TBXAS1: variants seen among roughly 807,000 people sequenced by gnomAD.
TBXAS1 encodes the protein thromboxane-A synthase.
Under a neutral mutation model 60.7 loss-of-function variants are expected in TBXAS1, and 48 were observed. The observed-to-expected ratio is 0.79, with a 90% CI of 0.63 to 1.01. The LOEUF (loss-of-function observed/expected upper bound fraction) is 1.01. Among genes scored for constraint, TBXAS1 ranks in the 50% least tolerant of loss-of-function variants. The pLI is 0.00. For synonymous variants in TBXAS1, 287 were observed against 269.7 expected (o/e 1.06, Z -0.63); for missense variants, 685 against 686.3 (o/e 1.00, Z 0.02).
At chr7:139,860,971 C>G (rs541031701) in intron 1 of TBXAS1, among the ~76,000 whole-genome samples, 6 of 152,156 alleles carry the variant, frequency 3.9e-5, no homozygotes, top group Non-Finnish European at 8.8e-5. Context: ...GTCAGGAGTT[C>G]GAGACCAGCC....
At position 139,896,200 on chromosome 7, in the gene TBXAS1, G is replaced by A. The variant is rs1447552995; in HGVS notation, c.237-15025G>A. Among the ~76,000 whole-genome samples, 1 of 152,106 alleles carries A rather than the reference G, an allele frequency of 6.6e-6. No homozygotes were observed. The highest frequency in any genetic ancestry group is 1.5e-5 in the Non-Finnish European group (1 of 68,020). ...TTTGTCTTGAGAGAACTTGCAGAGC[G>A]ATCAGGAGCTTATCAATAAACAGAG... is the stretch of plus-strand genomic sequence containing the variant. On this transcript the variant is annotated intron_variant, in intron 3 of 12. Coordinates refer to ENST00000448866, the MANE Select transcript of TBXAS1 (RefSeq NM_001061.7). This position sits in a 1 kb window ranked among gnomAD's most constrained non-coding sequence, Gnocchi z 4.0.
At chr7:139,851,963 A>C (rs1053732573) in intron 1 of TBXAS1, among the ~76,000 whole-genome samples, 2 of 152,178 alleles carry the variant, frequency 1.3e-5, no homozygotes, top group Non-Finnish European at 2.9e-5. Context: ...TGGGGTTTCC[A>C]TCTTGGGCTC....
At chr7:139,993,397 C>CTT (rs1813064700) in intron 9 of TBXAS1, among the ~76,000 whole-genome samples, 1 of 152,192 alleles carries the variant, frequency 6.6e-6, no homozygotes, top group Non-Finnish European at 1.5e-5. Flanking sequence ...GCCTACACTG[C>CTT]CCAATTGTAA....
rs188904709 is a variant in TBXAS1, at chr7:139,998,343, A to G, written c.1135-8748A>G. Among the ~76,000 whole-genome samples the G allele has an allele frequency of 7.9e-5, 12 of 152,214 alleles. No individual in the cohort carries two copies. In the East Asian group the frequency reaches 2.1e-3, roughly 27 times the overall value. ...TGAGCTCTAAGTTTGTGTTTGTGTC[A>G]TATTTTTCCATATGCGTGTTATTCT... is the stretch of plus-strand genomic sequence containing the variant. On this transcript the variant is annotated intron_variant, in intron 9 of 12. Transcript: ENST00000448866.
intron 3 of TBXAS1, among the ~76,000 whole-genome samples, chr7:139,906,669 A>C (rs931358067): frequency 2.0e-5 from 3 of 152,142 alleles, no homozygotes; most frequent in African/African-American, 7.2e-5. Flanking sequence ...TCTTGCTGAG[A>C]CTTTGATTGG....
chr7:139,952,787 G>A, intron 5 of TBXAS1: 1 of 1,259,294 alleles, frequency 7.9e-7, no homozygotes, highest in Non-Finnish European at 1.1e-6. Context: ...TGAAGTCAAG[G>A]TTTTCCCAGT....
intron 9 of TBXAS1, among the ~76,000 whole-genome samples, chr7:140,000,310 G>A (rs114869766): frequency 1.5e-3 from 227 of 152,142 alleles, no homozygotes; most frequent in African/African-American, 5.3e-3. Flanking sequence ...CACAAGCCTG[G>A]GCAACATAGT....
chr7:139,805,712 T>TTTCTCTCTC (rs1554466261), intron 4 of TBXAS1, among the ~76,000 whole-genome samples: 2 of 44,356 alleles, frequency 4.5e-5, no homozygotes, highest in Admixed American at 4.6e-4. Flanking sequence ...CTTTCTTTCT[T>TTTCTCTCTC]TCTCTCTCTC....
intron 4 of TBXAS1, among the ~76,000 whole-genome samples, chr7:139,934,554 C>T (rs184435821): frequency 2.1e-4 from 32 of 152,328 alleles, no homozygotes; most frequent in Admixed American, 5.9e-4. Context: ...TGCTAGGCTA[C>T]TATACCAACC....
At chr7:139,904,777 G>T (rs1332834489) in intron 3 of TBXAS1, among the ~76,000 whole-genome samples, 3 of 152,112 alleles carry the variant, frequency 2.0e-5, no homozygotes, top group Admixed American at 6.5e-5. Context: ...AAGAGCTACT[G>T]ATTGGTGTAC....
chr7:139,790,322 C>A (rs1215983408), intron 4 of TBXAS1, among the ~76,000 whole-genome samples: 4 of 152,204 alleles, frequency 2.6e-5, no homozygotes, highest in Non-Finnish European at 5.9e-5. Context: ...ACGGCTATTA[C>A]TACTAAATGC....
At chr7:139,919,667 G>C (rs1806296454) in intron 4 of TBXAS1, among the ~76,000 whole-genome samples, 1 of 152,158 alleles carries the variant, frequency 6.6e-6, no homozygotes. Context: ...ACTCTGGAAG[G>C]AGCCAGTGGT....
intron 2 of TBXAS1, among the ~76,000 whole-genome samples, chr7:139,874,579 T>A (rs145859166): frequency 6.0e-4 from 92 of 152,276 alleles, no homozygotes; most frequent in African/African-American, 2.1e-3. Flanking sequence ...AGGCATGTGT[T>A]TCCATGCAGG....
At chr7:139,962,831 AC>A (rs1810477189) in intron 9 of TBXAS1, 1 of 154,644 alleles carries the variant, frequency 6.5e-6, no homozygotes, top group South Asian at 2.0e-4. Context: ...CTACTTTATC[AC>A]CTCATTTTTT....
intron 9 of TBXAS1, among the ~76,000 whole-genome samples, chr7:139,979,764 AAT>A (rs1491030592): frequency 6.7e-5 from 9 of 133,746 alleles, no homozygotes; most frequent in South Asian, 4.8e-4. Flanking sequence ...TAATAATAAT[AAT>A]AAATAAATAG....
chr7:139,967,116 G>A (rs563622359), intron 9 of TBXAS1, among the ~76,000 whole-genome samples: 1 of 152,324 alleles, frequency 6.6e-6, no homozygotes, highest in African/African-American at 2.4e-5. Context: ...GGGGAATCTT[G>A]AGCAGGATAC....
intron 4 of TBXAS1, among the ~76,000 whole-genome samples, chr7:139,929,484 G>C (rs2117149985): frequency 6.6e-6 from 1 of 152,244 alleles, no homozygotes; most frequent in African/African-American, 2.4e-5. Flanking sequence ...GGTGGAGCAG[G>C]TGATTGGAAT....
chr7:139,929,829 T>A (rs1345890080), intron 4 of TBXAS1, among the ~76,000 whole-genome samples: 1 of 152,116 alleles, frequency 6.6e-6, no homozygotes, highest in African/African-American at 2.4e-5. Context: ...ACCCCCGCTC[T>A]CTCCTGGCCA....
chr7:139,981,085 G>A lies in TBXAS1; in HGVS notation c.1134+18852G>A, dbSNP rs1696960906. On this transcript the variant is annotated intron_variant, in intron 9 of 12. Transcript: ENST00000448866. ...AGATAGGCTGAAAGCACACATCTAC[G>A]GATGGCTTGTTGTTGTTTTGTTTTT... Among the ~76,000 whole-genome samples the A allele has an allele frequency of 2.0e-5, 3 of 152,014 alleles. No individual in the cohort carries two copies. In the South Asian group the frequency reaches 6.2e-4, roughly 32 times the overall value.
Sources: gnomAD v4.1 joint callset for allele counts (sites outside exome capture counted in the v4.1 genomes callset) on GRCh38, gnomAD v4.1.1 for gene constraint, Gnocchi (gnomAD v3.1) non-coding constraint, MANE v1.5 for transcripts, NCBI Gene and HGNC (gene_info 2026-07-23, HGNC 2026-07-21) for gene names.